The following IMMP2L variants were observed in gnomAD, a reference collection of about 807,000 sequenced individuals.
IMMP2L encodes the protein inner mitochondrial membrane peptidase subunit 2.
IMMP2L carries 18 observed loss-of-function variants against 19.3 expected under a neutral mutation model. The observed-to-expected ratio is 0.93, with a 90% confidence interval of 0.64 to 1.38. The LOEUF is 1.38. Among genes scored for constraint, IMMP2L ranks in the 40% most tolerant of loss-of-function variants. The probability of loss-of-function intolerance (pLI) is 0.00; values close to 1 mark genes in which losing one functional copy is unlikely to be tolerated. For synonymous variants in IMMP2L, 76 were observed against 73.0 expected (o/e 1.04, Z -0.21); for missense variants, 233 against 218.2 (o/e 1.07, Z -0.43).
intron 1 of IMMP2L, among the ~76,000 whole-genome samples, chr7:111,547,066 C>T (rs1848995596): frequency 1.3e-5 from 2 of 152,130 alleles, no homozygotes; most frequent in South Asian, 4.2e-4. Flanking sequence ...AATCTAAGGG[C>T]AACTAGAAGC....
intron 3 of IMMP2L, among the ~76,000 whole-genome samples, chr7:111,228,168 CA>C (rs1813312985): frequency 6.6e-6 from 1 of 151,806 alleles, no homozygotes; most frequent in African/African-American, 2.4e-5. Flanking sequence ...TTCTGAAACA[CA>C]AAATAATTCT....
At chr7:110,702,735 C>A (rs905646089) in intron 5 of IMMP2L, among the ~76,000 whole-genome samples, 2 of 151,966 alleles carry the variant, frequency 1.3e-5, no homozygotes, top group Non-Finnish European at 2.9e-5. Flanking sequence ...TATAGAGAAA[C>A]AAATTAATTT....
intron 3 of IMMP2L, among the ~76,000 whole-genome samples, chr7:111,377,829 G>A (rs1351085077): frequency 6.6e-6 from 1 of 151,820 alleles, no homozygotes; most frequent in Non-Finnish European, 1.5e-5. Flanking sequence ...TCCTACCACA[G>A]TATTTTCTAT....
At chr7:111,543,983 G>T (rs973823098) in intron 1 of IMMP2L, among the ~76,000 whole-genome samples, 1 of 152,074 alleles carries the variant, frequency 6.6e-6, no homozygotes, top group South Asian at 2.1e-4. Flanking sequence ...TAAGAATTAG[G>T]AAGAAAAAGA....
At chr7:111,228,185 T>G (rs1277070812) in intron 3 of IMMP2L, among the ~76,000 whole-genome samples, 1 of 152,022 alleles carries the variant, frequency 6.6e-6, no homozygotes, top group Non-Finnish European at 1.5e-5. Context: ...ATTCTACTCC[T>G]CTATATTCAA....
At chr7:110,850,582 A>C (rs992671325) in intron 5 of IMMP2L, among the ~76,000 whole-genome samples, 1 of 152,092 alleles carries the variant, frequency 6.6e-6, no homozygotes. Flanking sequence ...CTGCTGTCTA[A>C]TACCACTGGC....
chr7:111,554,834 G>A (rs1038963989), intron 1 of IMMP2L, among the ~76,000 whole-genome samples: 3 of 151,834 alleles, frequency 2.0e-5, no homozygotes, highest in Admixed American at 6.6e-5. Flanking sequence ...GGCTAGTCTC[G>A]AACTCCTGAC....
chr7:111,019,941 T>A (rs1467364372), intron 3 of IMMP2L, among the ~76,000 whole-genome samples: 2 of 152,144 alleles, frequency 1.3e-5, no homozygotes, highest in Non-Finnish European at 2.9e-5. Context: ...ATCTCTTCCA[T>A]GAAGCATTTC....
In IMMP2L at chr7:110,703,774, T is replaced by G. The variant is rs562313348; in HGVS notation, c.409-40053A>C. Among the ~76,000 whole-genome samples, 10 of 152,292 alleles carry G rather than the reference T, an allele frequency of 6.6e-5. No individual in the cohort carries two copies. In the South Asian group the frequency reaches 2.1e-3, roughly 32 times the overall value. ...AATGACTAGGTTTCAAAATAAAATG[T>G]GCAACATATTCAAAATCTTACGGAA... On this transcript the variant is annotated intron_variant, in intron 5 of 5. Transcript: ENST00000405709.
chr7:110,919,627 T>A (rs1399274483), intron 4 of IMMP2L, among the ~76,000 whole-genome samples: 1 of 152,112 alleles, frequency 6.6e-6, no homozygotes, highest in African/African-American at 2.4e-5. Flanking sequence ...AATTCTCTTT[T>A]AAAAAGGGTT....
chr7:111,412,485 G>T (rs1030666544), intron 3 of IMMP2L, among the ~76,000 whole-genome samples: 2 of 151,736 alleles, frequency 1.3e-5, no homozygotes, highest in African/African-American at 4.9e-5. Flanking sequence ...ATCAATTAAG[G>T]AACAAGTCCT....
At chr7:110,880,608 C>T (rs1021503077) in intron 5 of IMMP2L, among the ~76,000 whole-genome samples, 2 of 151,774 alleles carry the variant, frequency 1.3e-5, no homozygotes, top group Non-Finnish European at 2.9e-5. Flanking sequence ...CTCATATTTT[C>T]CATTTTATTT....
At chr7:111,059,122 G>A (rs1050995069) in intron 3 of IMMP2L, among the ~76,000 whole-genome samples, 1 of 151,866 alleles carries the variant, frequency 6.6e-6, no homozygotes, top group Non-Finnish European at 1.5e-5. Context: ...AGCTGGGATT[G>A]CAGGCACCGG....
chr7:110,898,470 A>C (rs921206775), intron 4 of IMMP2L, among the ~76,000 whole-genome samples: 2 of 152,188 alleles, frequency 1.3e-5, no homozygotes, highest in Non-Finnish European at 1.5e-5. Flanking sequence ...TGCTGGTTCT[A>C]ACAGGATGCC....
intron 5 of IMMP2L, among the ~76,000 whole-genome samples, chr7:110,840,912 T>C (rs752781408): frequency 2.0e-5 from 3 of 152,050 alleles, no homozygotes; most frequent in Non-Finnish European, 2.9e-5. Context: ...TAATTATACA[T>C]TTTGGCAATT....
chr7:110,802,868 T>C (rs977151880), intron 5 of IMMP2L, among the ~76,000 whole-genome samples: 15 of 152,216 alleles, frequency 9.9e-5, no homozygotes, highest in Admixed American at 5.2e-4. Context: ...AATGGTTCAG[T>C]ACTCATTTCT....
chr7:110,903,101 G>A (rs958613501), intron 4 of IMMP2L, among the ~76,000 whole-genome samples: 3 of 152,148 alleles, frequency 2.0e-5, no homozygotes, highest in Non-Finnish European at 2.9e-5. Context: ...ACTGATGAAA[G>A]CCATTCTTCA....
intron 5 of IMMP2L, among the ~76,000 whole-genome samples, chr7:110,811,578 T>A (rs1802040465): frequency 6.6e-6 from 1 of 152,122 alleles, no homozygotes; most frequent in Non-Finnish European, 1.5e-5. Flanking sequence ...AGTATTGGTT[T>A]AGCTTCTATA....
intron 3 of IMMP2L, among the ~76,000 whole-genome samples, chr7:111,019,594 G>A (rs769327485): frequency 2.0e-4 from 30 of 152,162 alleles, no homozygotes; most frequent in Non-Finnish European, 3.2e-4. Flanking sequence ...CTTACACAAG[G>A]TCTTCTGTCT....
Sources: allele counts gnomAD v4.1 joint callset (sites outside exome capture counted in the v4.1 genomes callset), GRCh38; gene constraint gnomAD v4.1.1; transcripts MANE v1.5; gene names NCBI Gene and HGNC (gene_info 2026-07-23, HGNC 2026-07-21).